The following PRDM10 variants were observed in gnomAD, a reference collection of about 807,000 sequenced individuals.
PRDM10 encodes the protein PR domain zinc finger protein 10.
PRDM10 carries 65 observed loss-of-function variants against 133.1 expected under a neutral mutation model. The ratio of observed to expected loss-of-function variants is 0.49; its 90% CI spans 0.40 to 0.60. The LOEUF (loss-of-function observed/expected upper bound fraction) is 0.60. Ranked by LOEUF, PRDM10 falls within the 20% of genes least tolerant of loss-of-function variation. The pLI is 0.00. For missense variants in PRDM10, 1,137 were observed against 1,507.1 expected, an observed-to-expected ratio of 0.75 and a Z score of 4.07; for synonymous variants, 582 against 580.4, an observed-to-expected ratio of 1.00 and a Z score of -0.04.
intron 19 of PRDM10, among the ~76,000 whole-genome samples, chr11:129,908,137 C>T (rs1376967814): frequency 1.3e-5 from 2 of 151,936 alleles, no homozygotes; most frequent in African/African-American, 4.8e-5. Context: ...GTCATTTCTT[C>T]TTAGGTGTGA....
intron 1 of PRDM10, among the ~76,000 whole-genome samples, chr11:129,967,722 T>C (rs1486024176): frequency 6.6e-6 from 1 of 152,138 alleles, no homozygotes; most frequent in African/African-American, 2.4e-5. Flanking sequence ...ATGGCGACAC[T>C]TGCAGGGTGA....
At chr11:129,913,338 G>C (rs763609822) in intron 17 of PRDM10, among the ~76,000 whole-genome samples, 1 of 151,550 alleles carries the variant, frequency 6.6e-6, no homozygotes, top group Non-Finnish European at 1.5e-5. Flanking sequence ...CCTAGAACAC[G>C]CCATACAACA....
At chr11:129,979,777 C>G (rs1408700146) in intron 1 of PRDM10, among the ~76,000 whole-genome samples, 2 of 152,186 alleles carry the variant, frequency 1.3e-5, no homozygotes, top group Non-Finnish European at 2.9e-5. Context: ...TTCCTGGCCT[C>G]GGATTCTGCC....
At chr11:129,984,387 G>C (rs528420449) in intron 1 of PRDM10, among the ~76,000 whole-genome samples, 2 of 152,240 alleles carry the variant, frequency 1.3e-5, no homozygotes, top group Admixed American at 1.3e-4. Flanking sequence ...TTGAGCCCGC[G>C]TTCCTGCTCA....
At chr11:129,935,623 T>A (rs1400627110) in intron 8 of PRDM10, among the ~76,000 whole-genome samples, 1 of 152,174 alleles carries the variant, frequency 6.6e-6, no homozygotes, top group East Asian at 1.9e-4. Context: ...ATGCCCAGTA[T>A]AATTAGTTTA....
At chr11:129,953,826 CAAAAAAAAAAAA>C in intron 4 of PRDM10, among the ~76,000 whole-genome samples, 1 of 73,322 alleles carries the variant, frequency 1.4e-5, no homozygotes, top group African/African-American at 3.5e-5. Context: ...TTTATAGTAG[CAAAAAAAAAAAA>C]AAAAAAAGGA....
At chr11:129,963,158 A>G (rs1277683432) in intron 1 of PRDM10, among the ~76,000 whole-genome samples, 1 of 152,078 alleles carries the variant, frequency 6.6e-6, no homozygotes, top group Non-Finnish European at 1.5e-5. Flanking sequence ...CAAAAAAAAA[A>G]AAAATGAAAG....
chr11:129,989,239 G>A (rs957645704), intron 1 of PRDM10, among the ~76,000 whole-genome samples: 2 of 151,972 alleles, frequency 1.3e-5, no homozygotes, highest in African/African-American at 4.8e-5. Context: ...CCAGGAGTTC[G>A]AGGTTGCAGT....
At position 129,902,183 on chromosome 11, in the gene PRDM10, G is replaced by T; in HGVS notation, c.*130C>A. On this transcript the variant is annotated 3_prime_UTR_variant, in exon 21 of 21. Coordinates refer to ENST00000360871, the MANE Select transcript of PRDM10 (RefSeq NM_199437.2). ...AAAATAAACCCCAGTGTATGGATGA[G>T]AGACAAAACTGTGGTTTCCGAACTC... is the stretch of plus-strand genomic sequence containing the variant. The T allele has an allele frequency of 7.7e-7, 1 of 1,299,638 alleles. No homozygotes were observed. The highest frequency in any genetic ancestry group is 1.0e-6 in the Non-Finnish European group (1 of 955,664). 80.5% of individuals were successfully genotyped at this position (1,299,638 alleles called of 1,614,324 possible). A position where few individuals can be genotyped will look rare whatever the true frequency, so the allele number is the denominator to read the frequency against.
At chr11:129,926,241 G>A (rs374682254) in intron 11 of PRDM10, among the ~76,000 whole-genome samples, 2 of 152,114 alleles carry the variant, frequency 1.3e-5, no homozygotes, top group Non-Finnish European at 2.9e-5. Flanking sequence ...CAAACCCATC[G>A]CCACTACTGG....
intron 17 of PRDM10, 26 bp downstream of exon 17, chr11:129,914,678 C>T: frequency 6.2e-7 from 1 of 1,613,910 alleles, no homozygotes; most frequent in South Asian, 1.1e-5. Context: ...ATTCATAAGG[C>T]AAAGGGAAAC....
rs1346862058 is a variant in PRDM10 at position 129,901,109 on chromosome 11, T to C, written c.*1204A>G. On this transcript the variant is annotated 3_prime_UTR_variant, in exon 21 of 21. Transcript: ENST00000360871. Reference sequence around the variant, plus strand: ...TACTGATTTTTTAATGCCCAACTAATAGTATATTCATAAAGACTGGATTTC... The same window carrying C: ...TACTGATTTTTTAATGCCCAACTAACAGTATATTCATAAAGACTGGATTTC... The C allele has an allele frequency of 6.6e-6, 1 of 152,584 alleles. No individual in the cohort carries two copies. The highest frequency in any genetic ancestry group is 1.5e-5 in the Non-Finnish European group (1 of 68,026). The allele number at this position is 152,584 out of a possible 1,614,324, so 9.5% of individuals were successfully genotyped here. A position where few individuals can be genotyped will look rare whatever the true frequency, so the allele number is the denominator to read the frequency against.
At chr11:129,942,899 T>C (rs986788459) in intron 6 of PRDM10, among the ~76,000 whole-genome samples, 1 of 152,194 alleles carries the variant, frequency 6.6e-6, no homozygotes, top group Non-Finnish European at 1.5e-5. Context: ...CAAAACATGA[T>C]AAAAATGCTA....
intron 19 of PRDM10, among the ~76,000 whole-genome samples, chr11:129,910,034 G>A (rs10894161): frequency 0.23 from 35,249 of 152,118 alleles, 4,443 homozygotes; most frequent in African/African-American, 0.32. Flanking sequence ...TATATGGTTC[G>A]GAATCATTCC....
Position 129,947,506 on chromosome 11 carries a change from A to G in PRDM10, c.295-136T>C, listed in dbSNP as rs920387443. The G allele has an allele frequency of 6.6e-7, 1 of 1,523,950 alleles. No individual in the cohort carries two copies. The highest frequency in any genetic ancestry group is 1.4e-5 in the African/African-American group (1 of 72,298). 94.4% of individuals were successfully genotyped at this position (1,523,950 alleles called of 1,614,324 possible). ...TACCAACTCCTTCCAGGCCCTGGAA[A>G]AATGACTTCCATCTACCGGCTGTGA... On this transcript the variant is annotated intron_variant, in intron 4 of 20. Coordinates refer to ENST00000360871, the MANE Select transcript of PRDM10 (RefSeq NM_199437.2). The surrounding 1 kb of genome is among the most constrained non-coding windows in gnomAD (Gnocchi z 4.6).
intron 7 of PRDM10, among the ~76,000 whole-genome samples, chr11:129,940,693 T>C (rs1368248965): frequency 6.6e-6 from 1 of 152,238 alleles, no homozygotes; most frequent in Non-Finnish European, 1.5e-5. Context: ...ATGCATTTGC[T>C]ATTTTCTGTT....
intron 4 of PRDM10, among the ~76,000 whole-genome samples, chr11:129,953,703 T>C (rs1283475274): frequency 2.0e-5 from 3 of 151,860 alleles, no homozygotes; most frequent in Non-Finnish European, 4.4e-5. Context: ...TTTTCCACTT[T>C]TACAAAAAAT....
chr11:129,907,822 G>A (rs999832851), intron 19 of PRDM10, among the ~76,000 whole-genome samples: 4 of 152,082 alleles, frequency 2.6e-5, no homozygotes, highest in African/African-American at 9.7e-5. Context: ...TGGCACAGGG[G>A]CTCACGCCTG....
intron 4 of PRDM10, among the ~76,000 whole-genome samples, chr11:129,953,717 G>C (rs1421177663): frequency 1.3e-5 from 2 of 149,410 alleles, no homozygotes; most frequent in African/African-American, 2.5e-5. Flanking sequence ...AAAAAATTTG[G>C]TTCTTAACTT....
Sources: allele counts gnomAD v4.1 joint callset (sites outside exome capture counted in the v4.1 genomes callset), GRCh38; gene constraint gnomAD v4.1.1; non-coding constraint Gnocchi (gnomAD v3.1); transcripts MANE v1.5; gene names NCBI Gene and HGNC (gene_info 2026-07-23, HGNC 2026-07-21).